PRKAR2B: variants seen among roughly 807,000 people sequenced by gnomAD.
PRKAR2B encodes the protein cAMP-dependent protein kinase type II-beta regulatory subunit.
In PRKAR2B, 14 loss-of-function variants were observed where a neutral mutation model predicts 49.9. That is an observed-to-expected ratio of 0.28 (90% CI 0.19 to 0.44). The LOEUF (loss-of-function observed/expected upper bound fraction) is 0.44, where lower values mean the gene tolerates loss of function less well. Ranked by LOEUF, PRKAR2B falls within the 20% of genes least tolerant of loss-of-function variation. The pLI, the probability that PRKAR2B is intolerant of heterozygous loss-of-function variation, is 1.00. For synonymous variants in PRKAR2B, 196 were observed against 197.7 expected (o/e 0.99, Z 0.07); for missense variants, 393 against 537.9 (o/e 0.73, Z 2.67).
intron 2 of PRKAR2B, among the ~76,000 whole-genome samples, chr7:107,107,363 A>C (rs1006921461): frequency 6.6e-6 from 1 of 152,090 alleles, no homozygotes; most frequent in African/African-American, 2.4e-5. Context: ...TTTTAGGCCA[A>C]ATTTCTTGGT....
intron 2 of PRKAR2B, among the ~76,000 whole-genome samples, chr7:107,114,582 C>A (rs1795237264): frequency 6.9e-6 from 1 of 145,974 alleles, no homozygotes. Flanking sequence ...ATTGGCCAGG[C>A]TGGTCTTGAA....
chr7:107,151,228 A>T (rs1205947231), intron 7 of PRKAR2B, among the ~76,000 whole-genome samples: 1 of 152,236 alleles, frequency 6.6e-6, no homozygotes, highest in Non-Finnish European at 1.5e-5. Flanking sequence ...ATTTGAAAGT[A>T]ATACATTCCT....
At chr7:107,149,049 C>G (rs2115660643) in intron 6 of PRKAR2B, among the ~76,000 whole-genome samples, 1 of 152,260 alleles carries the variant, frequency 6.6e-6, no homozygotes, top group South Asian at 2.1e-4. Flanking sequence ...GGTGTTATAC[C>G]TGATTTCCAA....
At chr7:107,116,933 G>GTA (rs1218388284) in intron 2 of PRKAR2B, among the ~76,000 whole-genome samples, 5 of 147,258 alleles carry the variant, frequency 3.4e-5, no homozygotes, top group African/African-American at 7.7e-5. Context: ...ATGTATGTGT[G>GTA]TATATATATG....
At chr7:107,088,121 G>T (rs1438012143) in intron 2 of PRKAR2B, among the ~76,000 whole-genome samples, 1 of 152,134 alleles carries the variant, frequency 6.6e-6, no homozygotes, top group Admixed American at 6.6e-5. Flanking sequence ...GAAAACTGAG[G>T]CACAGAGAAA....
intron 2 of PRKAR2B, among the ~76,000 whole-genome samples, chr7:107,112,682 G>C (rs1363260854): frequency 6.6e-6 from 1 of 151,702 alleles, no homozygotes; most frequent in Non-Finnish European, 1.5e-5. Flanking sequence ...AATGGAAATG[G>C]AACTTTTCAA....
intron 2 of PRKAR2B, among the ~76,000 whole-genome samples, chr7:107,098,863 A>T (rs1183592444): frequency 6.6e-6 from 1 of 152,082 alleles, no homozygotes; most frequent in Non-Finnish European, 1.5e-5. Context: ...TTGCTGCCTG[A>T]TCCTTTCTCT....
At chr7:107,077,081 C>T (rs1794413199) in intron 2 of PRKAR2B, 1 of 152,040 alleles carries the variant, frequency 6.6e-6, no homozygotes, top group Non-Finnish European at 1.5e-5. Flanking sequence ...CTATTTTTTT[C>T]CAGAGGTCAT....
At chr7:107,117,420 A>G in intron 2 of PRKAR2B, among the ~76,000 whole-genome samples, 1 of 152,158 alleles carries the variant, frequency 6.6e-6, no homozygotes, top group East Asian at 1.9e-4. Flanking sequence ...TATATATTTT[A>G]TGGAAGTCAA....
intron 2 of PRKAR2B, among the ~76,000 whole-genome samples, chr7:107,082,672 C>A (rs533184896): frequency 6.6e-6 from 1 of 152,144 alleles, no homozygotes. Flanking sequence ...TGGCTCACTG[C>A]AACCTCTGCC....
chr7:107,069,334 C>T (rs1416073482), intron 1 of PRKAR2B, among the ~76,000 whole-genome samples: 1 of 152,186 alleles, frequency 6.6e-6, no homozygotes, highest in Non-Finnish European at 1.5e-5. Context: ...ACATATTTTT[C>T]ATGCAGTGCA....
At chr7:107,152,645 A>G (rs1435322109) in intron 7 of PRKAR2B, among the ~76,000 whole-genome samples, 1 of 152,234 alleles carries the variant, frequency 6.6e-6, no homozygotes, top group Non-Finnish European at 1.5e-5. Context: ...TACCCACAAC[A>G]TCTTATAAAA....
intron 2 of PRKAR2B, among the ~76,000 whole-genome samples, chr7:107,087,424 T>C (rs576320952): frequency 1.3e-5 from 2 of 152,332 alleles, no homozygotes; most frequent in Admixed American, 6.5e-5. Flanking sequence ...AGAACCACTT[T>C]AAATAATCAT....
chr7:107,081,377 A>C (rs1794510893), intron 2 of PRKAR2B, among the ~76,000 whole-genome samples: 1 of 152,140 alleles, frequency 6.6e-6, no homozygotes, highest in Non-Finnish European at 1.5e-5. Context: ...TGATATTTTA[A>C]ACAGGTGTGT....
chr7:107,103,434 A>G (rs1375946787), intron 2 of PRKAR2B, among the ~76,000 whole-genome samples: 1 of 152,226 alleles, frequency 6.6e-6, no homozygotes, highest in African/African-American at 2.4e-5. Flanking sequence ...TTGAGAGAAC[A>G]CAAGAAAAGC....
At chr7:107,131,075 C>A (rs1246501539) in intron 4 of PRKAR2B, among the ~76,000 whole-genome samples, 2 of 152,172 alleles carry the variant, frequency 1.3e-5, no homozygotes, top group African/African-American at 4.8e-5. Flanking sequence ...TGGCCCACAA[C>A]ATACTTTGAA....
At position 107,128,293 on chromosome 7, in the gene PRKAR2B, C is replaced by A. The variant is rs946674589; in HGVS notation, c.478C>A (p.Pro160Thr). Residue 160 changes from proline (P) to threonine (T), a missense_variant and splice_region_variant, in exon 4 of 11, where the codon CCG becomes ACG. This residue lies in a region of PRKAR2B where 233 missense variants were observed against 390.4 expected (regional missense o/e 0.60). Coordinates refer to ENST00000265717, the MANE Select transcript of PRKAR2B (RefSeq NM_002736.3). ...CATCCTGCTGTTTAAGAATCTGGAT[C>A]CGGTAAGATAAATCTTAATAATAGA... Reference protein sequence around the residue: ...KDILLFKNLDPEQMSQVLDAM... With the variant: ...KDILLFKNLDTEQMSQVLDAM... 1.2e-6 allele frequency: 2 copies of A among 1,601,990 alleles called. No homozygotes were observed. Among genetic ancestry groups the A allele is most frequent in the South Asian group, 2.2e-5 (2 of 90,790 alleles).
At chr7:107,047,939 T>C (rs1252448922) in intron 1 of PRKAR2B, among the ~76,000 whole-genome samples, 4 of 152,250 alleles carry the variant, frequency 2.6e-5, no homozygotes, top group Non-Finnish European at 4.4e-5. Flanking sequence ...CATTAACAGA[T>C]AGTGATAATA....
intron 2 of PRKAR2B, among the ~76,000 whole-genome samples, chr7:107,102,841 T>C (rs997865146): frequency 3.9e-5 from 6 of 152,044 alleles, no homozygotes; most frequent in Non-Finnish European, 7.4e-5. Flanking sequence ...TAGCTAATTT[T>C]TGTATTTTTA....
Sources: allele counts gnomAD v4.1 joint callset (sites outside exome capture counted in the v4.1 genomes callset), GRCh38; gene constraint gnomAD v4.1.1; regional missense constraint gnomAD v4.1.1; transcripts MANE v1.5; gene names NCBI Gene and HGNC (gene_info 2026-07-23, HGNC 2026-07-21).